PIK3R6: variants seen among roughly 807,000 people sequenced by gnomAD.
The protein encoded by PIK3R6 is phosphoinositide 3-kinase regulatory subunit 6.
A neutral mutation model predicts 84.9 loss-of-function variants in PIK3R6; 91 were observed. The observed-to-expected ratio is 1.07, with a 90% confidence interval of 0.90 to 1.28. PIK3R6 has a LOEUF of 1.28. Among genes scored for constraint, PIK3R6 ranks in the 50% most tolerant of loss-of-function variants. The probability of loss-of-function intolerance (pLI) is 0.00; values close to 1 mark genes in which losing one functional copy is unlikely to be tolerated. For synonymous variants in PIK3R6, 416 were observed against 411.4 expected (o/e 1.01, Z -0.13); for missense variants, 996 against 985.1 (o/e 1.01, Z -0.15).
At chr17:8,817,999 T>G (rs1597384877) in intron 18 of PIK3R6, among the ~76,000 whole-genome samples, 2 of 145,358 alleles carry the variant, frequency 1.4e-5, no homozygotes, top group African/African-American at 2.6e-5. Context: ...GAGGAAGAGG[T>G]CAAAGCTGGG....
intron 11 of PIK3R6, 112 bp downstream of exon 11, chr17:8,828,455 G>T: frequency 7.5e-7 from 1 of 1,334,518 alleles, no homozygotes. Context: ...TCCCACCCTG[G>T]CCTCTGCCTC....
At chr17:8,829,602 A>G (rs1387964493) in intron 10 of PIK3R6, 104 bp downstream of exon 10, 8 of 1,174,354 alleles carry the variant, frequency 6.8e-6, no homozygotes, top group East Asian at 2.6e-5. Context: ...ACTCATGCAT[A>G]CACACACTGA....
At chr17:8,853,484 C>CAAAAAAAAA (rs56939877) in intron 1 of PIK3R6, among the ~76,000 whole-genome samples, 1 of 104,422 alleles carries the variant, frequency 9.6e-6, no homozygotes, top group Non-Finnish European at 2.0e-5. Context: ...GACTCCATCT[C>CAAAAAAAAA]AAAAAAAAAA....
intron 13 of PIK3R6, among the ~76,000 whole-genome samples, chr17:8,826,680 G>A (rs751842301): frequency 4.6e-5 from 7 of 152,196 alleles, no homozygotes; most frequent in Admixed American, 6.5e-5. Context: ...TAATGCATGC[G>A]GGGCTTAAAA....
chr17:8,861,337 C>T (rs2089279248), intron 1 of PIK3R6, among the ~76,000 whole-genome samples: 2 of 152,170 alleles, frequency 1.3e-5, no homozygotes, highest in South Asian at 4.1e-4. Flanking sequence ...CCATAGAAGT[C>T]TTTCAACAAA....
At chr17:8,822,947 G>C (rs759491058) in intron 15 of PIK3R6, 49 bp downstream of exon 15, 3 of 1,439,898 alleles carry the variant, frequency 2.1e-6, no homozygotes, top group Admixed American at 3.3e-5. Flanking sequence ...TGAGAGTTTG[G>C]AGAAGCTGAG....
intron 16 of PIK3R6, among the ~76,000 whole-genome samples, chr17:8,822,333 C>G (rs1208757291): frequency 1.3e-5 from 2 of 152,136 alleles, no homozygotes; most frequent in African/African-American, 4.8e-5. Flanking sequence ...GGTCAGCTAG[C>G]AAGGAAGATA....
chr17:8,866,016 C>T (rs897978031), intron 1 of PIK3R6, among the ~76,000 whole-genome samples: 2 of 152,100 alleles, frequency 1.3e-5, no homozygotes, highest in African/African-American at 2.4e-5. Context: ...GAGGCGCTTT[C>T]GTGGAGACAG....
intron 18 of PIK3R6, among the ~76,000 whole-genome samples, chr17:8,809,366 G>T (rs1259107533): frequency 6.6e-6 from 1 of 152,168 alleles, no homozygotes; most frequent in Non-Finnish European, 1.5e-5. Flanking sequence ...TATAAAACAT[G>T]TAGGTCTTAT....
At chr17:8,807,320 C>T (rs1253211642) in intron 18 of PIK3R6, among the ~76,000 whole-genome samples, 1 of 152,178 alleles carries the variant, frequency 6.6e-6, no homozygotes, top group Non-Finnish European at 1.5e-5. Context: ...GGCCCTGCTG[C>T]AGGCCAGACA....
chr17:8,814,527 T>C (rs1480133788), intron 18 of PIK3R6, among the ~76,000 whole-genome samples: 1 of 151,932 alleles, frequency 6.6e-6, no homozygotes, highest in Non-Finnish European at 1.5e-5. Context: ...CAAGAGACCA[T>C]ATTAGGAGAG....
In PIK3R6 at chr17:8,803,919, G is replaced by T; in HGVS notation, c.2108+122C>A. 1 of 833,856 alleles carries T rather than the reference G, an allele frequency of 1.2e-6. No homozygotes were observed. The highest frequency in any genetic ancestry group is 1.9e-6 in the Non-Finnish European group (1 of 513,750). The allele number at this position is 833,856 out of a possible 1,614,324, so 51.7% of individuals were successfully genotyped here. Reference sequence around the variant, plus strand: ...CCATCCTCACCAAGGTTACCTGCCTGGCCACAGGATCTACCTCCGATGAGG... The same window carrying T: ...CCATCCTCACCAAGGTTACCTGCCTTGCCACAGGATCTACCTCCGATGAGG... On this transcript the variant is annotated intron_variant, in intron 19 of 19. Transcript: ENST00000619866. This position sits in a 1 kb window ranked among gnomAD's most constrained non-coding sequence, Gnocchi z 5.0.
chr17:8,850,729 T>G (rs993919544), intron 1 of PIK3R6, among the ~76,000 whole-genome samples: 1 of 152,134 alleles, frequency 6.6e-6, no homozygotes, highest in African/African-American at 2.4e-5. Context: ...AACAAACGTA[T>G]AACTGGGAAA....
rs183570964 is a variant in PIK3R6, at chr17:8,861,566, C to T, written c.-92+5963G>A. Among the ~76,000 whole-genome samples the T allele has an allele frequency of 6.6e-5, 10 of 152,326 alleles. 1 individual carries two copies. Among genetic ancestry groups the T allele is most frequent in the South Asian group, 2.1e-4 (1 of 4,814 alleles). On this transcript the variant is annotated intron_variant, in intron 1 of 19. Coordinates refer to ENST00000619866, the MANE Select transcript of PIK3R6 (RefSeq NM_001010855.4). ...TCTCACCGTTCTGGTCTGTCCTGCC[C>T]GGAATGTGAAGCGTCCCTTTGTTCA...
rs549789311 is a variant in PIK3R6, at chr17:8,829,435, TAC to T, written c.889+269_889+270del. Among the ~76,000 whole-genome samples, 1,076 of 128,462 alleles carry T rather than the reference TAC, an allele frequency of 8.4e-3. 24 individuals carry two copies. The highest frequency in any genetic ancestry group is 0.029 in the African/African-American group (935 of 32,100). The allele number at this position is 128,462 out of a possible 152,430, so 84.3% of individuals were successfully genotyped here. The stretch of plus-strand genomic sequence containing the variant: ...ACAGACACACTGACACACTCATGGA[TAC>T]ACACACTGACACGCATCCACACACA... On this transcript the variant is annotated intron_variant, in intron 10 of 19. Coordinates refer to ENST00000619866, the MANE Select transcript of PIK3R6 (RefSeq NM_001010855.4).
At position 8,828,751 on chromosome 17, in the gene PIK3R6, A is replaced by G; in HGVS notation, c.1129T>C (p.Trp377Arg). Residue 377 changes from tryptophan to arginine, a missense_variant, in exon 11 of 20, where the codon TGG (tryptophan) becomes CGG (arginine). By Grantham distance (101) the Trp-to-Arg change is moderately radical. Transcript: ENST00000619866. ...QRKGGIKKRAWPLDFLMPGSW... is the reference protein window; with the variant it reads ...QRKGGIKKRARPLDFLMPGSW... ...CCAGGCATCAAGAAGTCCAGGGGCC[A>G]TGCACGCTTCTTGATGCCCCCTTTG... The G allele has an allele frequency of 6.2e-7, 1 of 1,601,142 alleles. No homozygotes were observed. The highest frequency in any genetic ancestry group is 8.5e-7 in the Non-Finnish European group (1 of 1,172,136).
At chr17:8,836,698 T>A (rs1288348384) in intron 6 of PIK3R6, 82 bp from the exon 7 acceptor site, 7 of 1,612,222 alleles carry the variant, frequency 4.3e-6, no homozygotes, top group Non-Finnish European at 8.5e-7. Context: ...GTGTGGAGGC[T>A]TTTGAGCTCC....
chr17:8,810,247 A>T (rs566365835), intron 18 of PIK3R6, among the ~76,000 whole-genome samples: 1 of 147,786 alleles, frequency 6.8e-6, no homozygotes, highest in South Asian at 2.3e-4. Flanking sequence ...TCACCATCAG[A>T]TGTCATGAGA....
chr17:8,821,444 A>G (rs997410071), intron 17 of PIK3R6, among the ~76,000 whole-genome samples: 2 of 152,204 alleles, frequency 1.3e-5, no homozygotes, highest in Non-Finnish European at 2.9e-5. Context: ...CAGGGAGCTC[A>G]CAATATGAGC....
Sources: allele counts gnomAD v4.1 joint callset (sites outside exome capture counted in the v4.1 genomes callset), GRCh38; gene constraint gnomAD v4.1.1; non-coding constraint Gnocchi (gnomAD v3.1); transcripts MANE v1.5; gene names NCBI Gene and HGNC (gene_info 2026-07-23, HGNC 2026-07-21).